PRKG1: variants seen among roughly 807,000 people sequenced by gnomAD.
PRKG1 encodes the protein cGMP-dependent protein kinase 1.
Under a neutral mutation model 88.1 loss-of-function variants are expected in PRKG1, and 35 were observed. The ratio of observed to expected loss-of-function variants is 0.40; its 90% CI spans 0.30 to 0.53. The LOEUF is 0.53. Ranked by LOEUF, PRKG1 falls within the 20% of genes least tolerant of loss-of-function variation. The pLI is 0.59. For synonymous variants in PRKG1, 303 were observed against 292.5 expected (o/e 1.04, Z -0.37); for missense variants, 540 against 839.8 (o/e 0.64, Z 4.41).
chr10:52,002,526 G>A (rs1353672254), intron 5 of PRKG1, among the ~76,000 whole-genome samples: 1 of 152,040 alleles, frequency 6.6e-6, no homozygotes, highest in African/African-American at 2.4e-5. Flanking sequence ...CTGTGCTGTT[G>A]ACGTAGAATA....
At chr10:52,128,096 GCTTTGTGCTGTGTGAACTAAA>G in intron 7 of PRKG1, 1 of 985,226 alleles carries the variant, frequency 1.0e-6, no homozygotes, top group Non-Finnish European at 1.2e-6. Context: ...AAAAGAATTT[GCTTTGTGCTGTGTGAACTAAA>G]CTTAACTGGG....
intron 5 of PRKG1, among the ~76,000 whole-genome samples, chr10:52,002,313 C>T (rs890111350): frequency 1.3e-5 from 2 of 151,942 alleles, no homozygotes; most frequent in South Asian, 2.1e-4. Flanking sequence ...TTTGTCATCA[C>T]TTCTTAAGCT....
chr10:51,144,692 G>A (rs367899252), intron 1 of PRKG1, among the ~76,000 whole-genome samples: 167 of 152,308 alleles, frequency 1.1e-3, no homozygotes, highest in African/African-American at 3.7e-3. Context: ...AAGGCAGACT[G>A]TAAATGTCTA....
chr10:51,159,259 C>T (rs369639829), intron 2 of PRKG1, among the ~76,000 whole-genome samples: 1 of 152,068 alleles, frequency 6.6e-6, no homozygotes, highest in Non-Finnish European at 1.5e-5. Flanking sequence ...GCATTCAGAA[C>T]ACTACCTGAG....
chr10:51,581,375 C>A (rs749888080), intron 3 of PRKG1, among the ~76,000 whole-genome samples: 34 of 152,062 alleles, frequency 2.2e-4, no homozygotes, highest in Non-Finnish European at 1.9e-4. Context: ...ACCGGTTATA[C>A]CAGAAATTCT....
chr10:51,974,025 C>T (rs74132869), intron 5 of PRKG1, among the ~76,000 whole-genome samples: 13,446 of 152,132 alleles, frequency 0.088, 1,743 homozygotes, highest in African/African-American at 0.28. Context: ...CATTCATTTC[C>T]ACATTGTCCA....
chr10:51,263,048 C>A (rs572073792), intron 2 of PRKG1, among the ~76,000 whole-genome samples: 1 of 152,256 alleles, frequency 6.6e-6, no homozygotes, highest in East Asian at 1.9e-4. Context: ...ATCTTATATT[C>A]CACTTTTAGA....
chr10:51,908,192 G>GGCAT (rs1174838926), intron 5 of PRKG1: 1 of 152,122 alleles, frequency 6.6e-6, no homozygotes, highest in African/African-American at 2.4e-5. Context: ...AAAGGTATTG[G>GGCAT]GCATATGAGT....
At chr10:51,710,339 C>T (rs1296174885) in intron 3 of PRKG1, among the ~76,000 whole-genome samples, 1 of 152,082 alleles carries the variant, frequency 6.6e-6, no homozygotes, top group Non-Finnish European at 1.5e-5. Context: ...ATCCATTGAC[C>T]CTCTTTCTGA....
chr10:52,210,831 G>A (rs1013062990), intron 9 of PRKG1, among the ~76,000 whole-genome samples: 2 of 152,120 alleles, frequency 1.3e-5, no homozygotes, highest in African/African-American at 4.8e-5. Flanking sequence ...AAAAGCCTTG[G>A]TAGTTGCTTT....
intron 3 of PRKG1, among the ~76,000 whole-genome samples, chr10:51,537,829 C>T (rs1307079232): frequency 2.0e-5 from 3 of 151,652 alleles, no homozygotes; most frequent in Non-Finnish European, 4.4e-5. Flanking sequence ...GGGCCTGCTT[C>T]TAGGGACAGG....
chr10:52,051,462 C>G (rs952744722), intron 5 of PRKG1, among the ~76,000 whole-genome samples: 1 of 152,154 alleles, frequency 6.6e-6, no homozygotes. Flanking sequence ...TGCTCTCACA[C>G]GTATAGCCCT....
At chr10:51,292,816 A>G (rs576942237) in intron 2 of PRKG1, among the ~76,000 whole-genome samples, 1 of 152,246 alleles carries the variant, frequency 6.6e-6, no homozygotes, top group African/African-American at 2.4e-5. Flanking sequence ...ATACTATTCT[A>G]TATTTTTAAA....
At chr10:52,018,038 C>T (rs1845088212) in intron 5 of PRKG1, among the ~76,000 whole-genome samples, 1 of 151,058 alleles carries the variant, frequency 6.6e-6, no homozygotes, top group Admixed American at 6.6e-5. Context: ...CCTAATTACG[C>T]AGTATTTTTT....
chr10:51,016,334 A>G (rs1037195064), intron 1 of PRKG1, among the ~76,000 whole-genome samples: 6 of 152,182 alleles, frequency 3.9e-5, no homozygotes, highest in African/African-American at 1.4e-4. Context: ...CCTCTTCACC[A>G]GTGGCCCTCT....
At chr10:51,577,052 G>A (rs1252649411) in intron 3 of PRKG1, among the ~76,000 whole-genome samples, 2 of 151,910 alleles carry the variant, frequency 1.3e-5, no homozygotes, top group African/African-American at 2.4e-5. Context: ...CTATCAAAAA[G>A]TTTAAGGTAA....
intron 2 of PRKG1, among the ~76,000 whole-genome samples, chr10:51,301,874 A>AAAGCAGTATGAGCC (rs1473167602): frequency 6.6e-6 from 1 of 152,226 alleles, no homozygotes; most frequent in Non-Finnish European, 1.5e-5. Context: ...GAGTATGAGC[A>AAAGCAGTATGAGCC]AAGCAGTATG....
chr10:51,845,861 G>A (rs1166356558), intron 4 of PRKG1, among the ~76,000 whole-genome samples: 1 of 152,016 alleles, frequency 6.6e-6, no homozygotes, highest in Non-Finnish European at 1.5e-5. Flanking sequence ...AGTGTTACAT[G>A]TTTGAGGTCC....
upstream of PRKG1, among the ~76,000 whole-genome samples, chr10:51,070,666 A>G (rs1843813946): frequency 1.3e-5 from 2 of 152,222 alleles, no homozygotes; most frequent in African/African-American, 2.4e-5. Context: ...AGCCAGTATT[A>G]TAATAAAGCT....
Sources: allele counts gnomAD v4.1 joint callset (sites outside exome capture counted in the v4.1 genomes callset), GRCh38; gene constraint gnomAD v4.1.1; transcripts MANE v1.5; gene names NCBI Gene and HGNC (gene_info 2026-07-23, HGNC 2026-07-21).